Variants in HTT observed in about 807,000 individuals in gnomAD.
HTT encodes huntingtin, also known as huntington disease protein.
HTT carries 104 observed loss-of-function variants against 362.3 expected under a neutral mutation model. The ratio of observed to expected loss-of-function variants is 0.29; its 90% CI spans 0.24 to 0.34. HTT has a LOEUF of 0.34. HTT is among the 10% of genes least tolerant of loss of function. HTT has a pLI of 1.00. For missense variants in HTT, 3,301 were observed against 3,928.6 expected (o/e 0.84, Z 4.27); for synonymous variants, 1,577 against 1,548.7 (o/e 1.02, Z -0.43).
chr4:3,138,253 C>A (rs1347990500), intron 21 of HTT, among the ~76,000 whole-genome samples: 1 of 150,922 alleles, frequency 6.6e-6, no homozygotes, highest in African/African-American at 2.5e-5. Context: ...TTTTAAATTT[C>A]AATGGTTTTT....
At chr4:3,098,733 A>C (rs1020011496) in intron 2 of HTT, among the ~76,000 whole-genome samples, 1 of 152,256 alleles carries the variant, frequency 6.6e-6, no homozygotes, top group Non-Finnish European at 1.5e-5. Flanking sequence ...CTTAGGGTGA[A>C]ATATGGTTAT....
At position 3,131,709 on chromosome 4, in the gene HTT, G is replaced by A; in HGVS notation, c.2170G>A (p.Ala724Thr). The A allele has an allele frequency of 1.2e-6, 2 of 1,614,030 alleles. No individual in the cohort carries two copies. Among genetic ancestry groups the A allele is most frequent in the South Asian group, 1.1e-5 (1 of 91,080 alleles). Residue 724 changes from alanine to threonine, a missense_variant, in exon 16 of 67, where the codon GCC (alanine) becomes ACC (threonine). This residue lies in a region of HTT where 2,316 missense variants were observed against 2,658.5 expected (regional missense o/e 0.87). Coordinates refer to ENST00000355072, the MANE Select transcript of HTT (RefSeq NM_001388492.1). The part of the protein sequence containing the change: ...LALSCVGAAV[A>T]LHPESFFSKL... ...CCTCAGCTGTGTGGGAGCAGCTGTG[G>A]CCCTCCACCCGGAATCTTTCTTCAG...
At chr4:3,109,730 T>C (rs1714637808) in intron 6 of HTT, among the ~76,000 whole-genome samples, 1 of 152,156 alleles carries the variant, frequency 6.6e-6, no homozygotes, top group African/African-American at 2.4e-5. Flanking sequence ...GGGTTGAAAC[T>C]GGAGAGAGGA....
intron 53 of HTT, among the ~76,000 whole-genome samples, chr4:3,221,697 G>T (rs1310336201): frequency 6.6e-6 from 1 of 152,158 alleles, no homozygotes; most frequent in South Asian, 2.1e-4. Flanking sequence ...CATCATGATG[G>T]GGACATGAAG....
chr4:3,169,435 C>T (rs774148094), intron 29 of HTT, among the ~76,000 whole-genome samples: 26 of 152,136 alleles, frequency 1.7e-4, no homozygotes, highest in Admixed American at 3.3e-4. Context: ...CTTACTGATG[C>T]TCTTTTCAGT....
In HTT at chr4:3,154,415, T is replaced by G. The variant is rs758697809; in HGVS notation, c.3621T>G (p.Ser1207Arg). The G allele has an allele frequency of 6.2e-7, 1 of 1,613,924 alleles. No homozygotes were observed. The highest frequency in any genetic ancestry group is 1.1e-5 in the South Asian group (1 of 90,964). The change falls in exon 27 of 67, where the codon AGT (serine) becomes AGG (arginine). Residue 1207 changes from serine to arginine, a missense_variant. This residue lies in a region of HTT where 2,316 missense variants were observed against 2,658.5 expected (regional missense o/e 0.87). Transcript: ENST00000355072. ...GTCCCAAGAAAGGCAGTGAGGCCAG[T>G]GCAGGTAGGAAACAGCGTGGGGAAG... Reference protein sequence around the residue: ...PLSPKKGSEASAASRQSDTSG... With the variant: ...PLSPKKGSEARAASRQSDTSG...
intron 11 of HTT, among the ~76,000 whole-genome samples, 155 bp downstream of exon 11, chr4:3,125,784 T>C (rs1715494499): frequency 6.6e-6 from 1 of 152,228 alleles, no homozygotes; most frequent in Non-Finnish European, 1.5e-5. Context: ...GCTTCTTTTA[T>C]AATACTTACT....
At position 3,126,418 on chromosome 4, in the gene HTT, G is replaced by T. The variant is rs189357989; in HGVS notation, c.1402+789G>T. Among the ~76,000 whole-genome samples the T allele has an allele frequency of 1.4e-4, 22 of 152,204 alleles. 1 individual carries two copies. Among genetic ancestry groups the T allele is most frequent in the Admixed American group, 1.2e-3 (18 of 15,284 alleles). On this transcript the variant is annotated intron_variant, in intron 11 of 66. Coordinates refer to ENST00000355072, the MANE Select transcript of HTT (RefSeq NM_001388492.1). Reference sequence around the variant, plus strand: ...TATAAAAGATGAGGATTAACTGAAGGTACTAATAACTGGATTATATGAGGG... The same window carrying T: ...TATAAAAGATGAGGATTAACTGAAGTTACTAATAACTGGATTATATGAGGG...
intron 8 of HTT, among the ~76,000 whole-genome samples, chr4:3,120,866 T>A (rs1020278114): frequency 6.6e-6 from 1 of 152,208 alleles, no homozygotes; most frequent in Admixed American, 6.5e-5. Flanking sequence ...GTGGCACTCA[T>A]AATAGTGTTT....
At chr4:3,160,414 C>A in intron 29 of HTT, 22 bp downstream of exon 29, 2 of 1,461,638 alleles carry the variant, frequency 1.4e-6, no homozygotes, top group Non-Finnish European at 1.9e-6. Flanking sequence ...GTTTTTTCTC[C>A]TTGGGTTGTG....
intron 41 of HTT, among the ~76,000 whole-genome samples, chr4:3,203,473 A>C (rs571584036): frequency 8.2e-4 from 125 of 152,364 alleles, no homozygotes; most frequent in Non-Finnish European, 1.6e-3. Flanking sequence ...AGAAAAAAAC[A>C]ATAAAGTGAG....
intron 29 of HTT, among the ~76,000 whole-genome samples, chr4:3,166,582 G>T (rs779626620): frequency 1.3e-5 from 2 of 152,222 alleles, no homozygotes; most frequent in African/African-American, 4.8e-5. Context: ...TGCCCAGTTC[G>T]AGCTTCCCTG....
At chr4:3,095,514 TGCGAGG>T (rs763759970) in intron 2 of HTT, among the ~76,000 whole-genome samples, 34 of 152,190 alleles carry the variant, frequency 2.2e-4, no homozygotes, top group South Asian at 1.2e-3. Flanking sequence ...AGGGAGACTG[TGCGAGG>T]GCGAGGGCGA....
Position 3,160,277 on chromosome 4 carries a change from C to G in HTT, c.3754-5C>G. On this transcript the variant is annotated splice_region_variant and splice_polypyrimidine_tract_variant and intron_variant, in intron 28 of 66. Coordinates refer to ENST00000355072, the MANE Select transcript of HTT (RefSeq NM_001388492.1). ...ACCGTGTGTTCTCTCCTTCACCTTCCCAAGGTCACGCTGGATCTTCAGAAC... is the reference window on the plus strand; with the variant it reads ...ACCGTGTGTTCTCTCCTTCACCTTCGCAAGGTCACGCTGGATCTTCAGAAC... 2 of 1,542,026 alleles carry G rather than the reference C, an allele frequency of 1.3e-6. No homozygotes were observed. The highest frequency in any genetic ancestry group is 1.2e-5 in the South Asian group (1 of 83,888).
intron 9 of HTT, 156 bp downstream of exon 9, chr4:3,121,588 G>A (rs1437142678): frequency 3.4e-6 from 2 of 586,076 alleles, no homozygotes; most frequent in Non-Finnish European, 6.0e-6. Context: ...ATAAATAGGG[G>A]AGTTGGGCTG....
intron 40 of HTT, among the ~76,000 whole-genome samples, chr4:3,191,798 A>G (rs1414222544): frequency 6.6e-6 from 1 of 152,228 alleles, no homozygotes; most frequent in Admixed American, 6.5e-5. Flanking sequence ...TCTCATCTTT[A>G]TTACGGTAGA....
At chr4:3,137,673 T>G (rs1716133307) in intron 21 of HTT, among the ~76,000 whole-genome samples, 1 of 152,234 alleles carries the variant, frequency 6.6e-6, no homozygotes, top group African/African-American at 2.4e-5. Context: ...CCTTCCAACC[T>G]GGGCAACAGA....
intron 2 of HTT, among the ~76,000 whole-genome samples, chr4:3,095,143 G>A (rs1256873553): frequency 6.6e-6 from 1 of 152,248 alleles, no homozygotes; most frequent in Non-Finnish European, 1.5e-5. Flanking sequence ...GGCAGAGGCC[G>A]CAATCTTGGC....
At chr4:3,085,189 GTGCAA>G (rs1713144891) in intron 1 of HTT, among the ~76,000 whole-genome samples, 1 of 151,682 alleles carries the variant, frequency 6.6e-6, no homozygotes, top group Non-Finnish European at 1.5e-5. Context: ...CCAGGCTAGA[GTGCAA>G]TGGCGCAATC....
Sources: allele counts gnomAD v4.1 joint callset (sites outside exome capture counted in the v4.1 genomes callset), GRCh38; gene constraint gnomAD v4.1.1; regional missense constraint gnomAD v4.1.1; transcripts MANE v1.5; gene names NCBI Gene and HGNC (gene_info 2026-07-23, HGNC 2026-07-21).